Variants in PLPP4 observed in about 807,000 individuals in gnomAD.
PLPP4 encodes the protein phospholipid phosphatase 4.
A neutral mutation model predicts 32.2 loss-of-function variants in PLPP4; 20 were observed. The observed-to-expected ratio is 0.62, with a 90% confidence interval of 0.44 to 0.90. The LOEUF (loss-of-function observed/expected upper bound fraction) is 0.90, where lower values mean the gene tolerates loss of function less well. Among genes scored for constraint, PLPP4 ranks in the 40% least tolerant of loss-of-function variants. The probability of loss-of-function intolerance (pLI) is 0.00; values close to 1 mark genes in which losing one functional copy is unlikely to be tolerated. For synonymous variants in PLPP4, 127 were observed against 133.0 expected, an observed-to-expected ratio of 0.95 and a Z score of 0.31; for missense variants, 257 against 353.1, an observed-to-expected ratio of 0.73 and a Z score of 2.18.
chr10:120,512,836 A>G (rs1845785920), intron 2 of PLPP4, among the ~76,000 whole-genome samples: 1 of 152,162 alleles, frequency 6.6e-6, no homozygotes, highest in South Asian at 2.1e-4. Context: ...ACATTTAAAA[A>G]AGAAGAGCAT....
intron 5 of PLPP4, among the ~76,000 whole-genome samples, chr10:120,533,776 A>C (rs781313948): frequency 6.6e-6 from 1 of 152,066 alleles, no homozygotes; most frequent in Non-Finnish European, 1.5e-5. Flanking sequence ...ATATTCCTAG[A>C]ATTTGTTATA....
At chr10:120,498,027 G>T (rs539353265) in intron 1 of PLPP4, among the ~76,000 whole-genome samples, 1 of 151,588 alleles carries the variant, frequency 6.6e-6, no homozygotes, top group African/African-American at 2.4e-5. Flanking sequence ...GTGACAGAGC[G>T]AGACTCTGTC....
At chr10:120,502,122 G>T (rs1375119615) in intron 1 of PLPP4, among the ~76,000 whole-genome samples, 1 of 152,208 alleles carries the variant, frequency 6.6e-6, no homozygotes, top group Non-Finnish European at 1.5e-5. Flanking sequence ...AAGTGCTCCA[G>T]ATTTAGGGCT....
intron 5 of PLPP4, among the ~76,000 whole-genome samples, chr10:120,532,071 C>T (rs754357935): frequency 1.3e-5 from 2 of 152,088 alleles, no homozygotes; most frequent in Non-Finnish European, 2.9e-5. Flanking sequence ...AGCCCCTACG[C>T]CCCCAACAGG....
At chr10:120,523,019 C>T (rs1427833652) in intron 5 of PLPP4, among the ~76,000 whole-genome samples, 1 of 152,294 alleles carries the variant, frequency 6.6e-6, no homozygotes, top group African/African-American at 2.4e-5. Flanking sequence ...AAGGATCGGC[C>T]AGGTGCAGTG....
At chr10:120,480,244 A>G (rs1844133857) in intron 1 of PLPP4, among the ~76,000 whole-genome samples, 2 of 152,138 alleles carry the variant, frequency 1.3e-5, no homozygotes, top group African/African-American at 2.4e-5. Flanking sequence ...CCCCTTGAGT[A>G]CAATAGCAGA....
rs35410473 is a variant in PLPP4, at chr10:120,534,524, A to AT, written c.445+13437dup. ...GTTTTCAGCCATTATTTCTTTGCGT[A>AT]TTTTTTTTCTGCTCCCCCTCCTCTC... is the stretch of plus-strand genomic sequence containing the variant. On this transcript the variant is annotated intron_variant, in intron 5 of 6. Coordinates refer to ENST00000398250, the MANE Select transcript of PLPP4 (RefSeq NM_001030059.3). Among the ~76,000 whole-genome samples the AT allele has an allele frequency of 6.0e-5, 9 of 151,248 alleles. No homozygotes were observed. In the East Asian group the frequency reaches 7.8e-4, roughly 13 times the overall value.
chr10:120,578,265 T>C (rs568666843), intron 6 of PLPP4, among the ~76,000 whole-genome samples: 9 of 152,378 alleles, frequency 5.9e-5, no homozygotes, highest in South Asian at 4.1e-4. Context: ...GGAGGAGGGA[T>C]GCAGAGTGAG....
At chr10:120,531,077 C>T (rs1846687792) in intron 5 of PLPP4, among the ~76,000 whole-genome samples, 1 of 141,290 alleles carries the variant, frequency 7.1e-6, no homozygotes. Flanking sequence ...AAATGTATGC[C>T]TGTCATTTTC....
intron 5 of PLPP4, among the ~76,000 whole-genome samples, chr10:120,574,162 A>ACACACACACACACT (rs1849082295): frequency 9.6e-6 from 1 of 104,108 alleles, no homozygotes; most frequent in Non-Finnish European, 1.8e-5. Context: ...ACACACACAC[A>ACACACACACACACT]CACACACTCT....
chr10:120,485,488 G>A (rs528297832), intron 1 of PLPP4, among the ~76,000 whole-genome samples: 9 of 152,318 alleles, frequency 5.9e-5, no homozygotes, highest in East Asian at 1.9e-4. Context: ...CCTAAAGTGA[G>A]GGCAAGTGGT....
intron 1 of PLPP4, among the ~76,000 whole-genome samples, chr10:120,475,590 G>C (rs928170203): frequency 3.3e-5 from 5 of 152,214 alleles, no homozygotes; most frequent in Admixed American, 6.5e-5. Context: ...GGATGCATGA[G>C]ACAGACATGT....
At chr10:120,545,075 G>A (rs1182275149) in intron 5 of PLPP4, among the ~76,000 whole-genome samples, 1 of 152,242 alleles carries the variant, frequency 6.6e-6, no homozygotes, top group East Asian at 1.9e-4. Context: ...ACCATCTGTA[G>A]GTCTCTGAAG....
At chr10:120,565,728 C>CA (rs1848663992) in intron 5 of PLPP4, among the ~76,000 whole-genome samples, 1 of 152,064 alleles carries the variant, frequency 6.6e-6, no homozygotes. Context: ...TCCTGAGATA[C>CA]CCTCTGCCAT....
In PLPP4 at chr10:120,590,390, A is replaced by T. The variant is rs1327496389; in HGVS notation, c.*888A>T. ...TGAGTGGCCATTGGGGATAAGAAGCAACTTCAGGCTGAGAATTTTTCCCCT... is the reference window on the plus strand; with the variant it reads ...TGAGTGGCCATTGGGGATAAGAAGCTACTTCAGGCTGAGAATTTTTCCCCT... On this transcript the variant is annotated 3_prime_UTR_variant, in exon 7 of 7. Coordinates refer to ENST00000398250, the MANE Select transcript of PLPP4 (RefSeq NM_001030059.3). Among the ~76,000 whole-genome samples, 1 of 152,172 alleles carries T rather than the reference A, an allele frequency of 6.6e-6. No individual in the cohort carries two copies. Among genetic ancestry groups the T allele is most frequent in the Non-Finnish European group, 1.5e-5 (1 of 68,016 alleles).
intron 1 of PLPP4, among the ~76,000 whole-genome samples, chr10:120,484,431 T>A (rs1171356907): frequency 1.3e-5 from 2 of 152,180 alleles, no homozygotes; most frequent in Non-Finnish European, 2.9e-5. Flanking sequence ...GGTGCCAGCA[T>A]CTGGTGAGGG....
At position 120,484,452 on chromosome 10, in the gene PLPP4, G is replaced by A. The variant is rs191611046; in HGVS notation, c.57-19366G>A. 1.2e-3 allele frequency among the ~76,000 whole-genome samples: 182 copies of A among 152,288 alleles called. 1 individual carries two copies. The South Asian group carries it at 0.024, about 20-fold the overall frequency. On this transcript the variant is annotated intron_variant, in intron 1 of 6. Transcript: ENST00000398250. ...AGCATCTGGTGAGGGCCTTCCTGCT[G>A]CACCATCCCATGGCAGAAGGTGAGA...
intron 1 of PLPP4, among the ~76,000 whole-genome samples, chr10:120,478,706 G>A (rs1394676886): frequency 2.0e-5 from 3 of 152,108 alleles, no homozygotes; most frequent in Admixed American, 6.5e-5. Flanking sequence ...TTGGTTTTAT[G>A]CCTTCAGCAT....
intron 5 of PLPP4, among the ~76,000 whole-genome samples, chr10:120,548,781 A>G (rs1378971102): frequency 1.3e-5 from 2 of 151,962 alleles, no homozygotes; most frequent in Non-Finnish European, 2.9e-5. Context: ...ACTGTCATGA[A>G]ATGGTATCTC....
Sources: allele counts gnomAD v4.1 joint callset (sites outside exome capture counted in the v4.1 genomes callset), GRCh38; gene constraint gnomAD v4.1.1; transcripts MANE v1.5; gene names NCBI Gene and HGNC (gene_info 2026-07-23, HGNC 2026-07-21).